Variants in WASHC4 observed in about 807,000 individuals in gnomAD.
WASHC4 encodes WASH complex subunit 7.
WASHC4 carries 86 observed loss-of-function variants against 166.6 expected under a neutral mutation model. The ratio of observed to expected loss-of-function variants is 0.52; its 90% CI spans 0.43 to 0.62. The LOEUF is 0.62. WASHC4 is among the 20% of genes least tolerant of loss of function. The probability of loss-of-function intolerance (pLI) is 0.00; values close to 1 mark genes in which losing one functional copy is unlikely to be tolerated. For missense variants in WASHC4, 1,262 were observed against 1,382.4 expected, an observed-to-expected ratio of 0.91 and a Z score of 1.38; for synonymous variants, 446 against 451.6, an observed-to-expected ratio of 0.99 and a Z score of 0.16.
At chr12:105,166,376 T>C (rs940047009) in intron 32 of WASHC4, among the ~76,000 whole-genome samples, 2 of 152,080 alleles carry the variant, frequency 1.3e-5, no homozygotes, top group African/African-American at 4.8e-5. Flanking sequence ...AGAAATAATA[T>C]ATATTACGTA....
chr12:105,135,210 A>T (rs1002699248), intron 14 of WASHC4, among the ~76,000 whole-genome samples: 2 of 151,736 alleles, frequency 1.3e-5, no homozygotes, highest in African/African-American at 4.8e-5. Context: ...GTTTATTTAG[A>T]TTTACTCATA....
At chr12:105,159,298 T>C (rs1244491742) in intron 28 of WASHC4, among the ~76,000 whole-genome samples, 1 of 152,158 alleles carries the variant, frequency 6.6e-6, no homozygotes, top group Admixed American at 6.5e-5. Flanking sequence ...AAGATCCAGA[T>C]TGGTGCAAGG....
At chr12:105,130,717 AC>A (rs1194404389) in intron 13 of WASHC4, among the ~76,000 whole-genome samples, 30 of 151,362 alleles carry the variant, frequency 2.0e-4, no homozygotes, top group Admixed American at 3.3e-4. Flanking sequence ...CTGCCCCCAT[AC>A]TATACACCAG....
intron 8 of WASHC4, 110 bp from the exon 9 acceptor site, chr12:105,120,991 C>G: frequency 1.4e-6 from 1 of 740,450 alleles, no homozygotes; most frequent in Non-Finnish European, 2.4e-6. Context: ...GATTTACCCA[C>G]TACTTTTACT....
chr12:105,164,696 A>T lies in WASHC4; in HGVS notation c.3410A>T (p.Asp1137Val). The stretch of plus-strand genomic sequence containing the variant: ...AGTGCAAGAATTTTCTTCAGAGCAG[A>T]CAAGACTGCGGCTGAAGAAAACCAA... ...LSSARIFFRA[D>V]KTAAEENQEK... The change falls in exon 32 of 33, where the codon GAC becomes GTC. Residue 1137 changes from aspartate (D) to valine (V), a missense_variant. By Grantham distance (152) the Asp-to-Val change is radical. Transcript: ENST00000332180. 1.2e-6 allele frequency: 2 copies of T among 1,613,658 alleles called. No homozygotes were observed. The highest frequency in any genetic ancestry group is 8.5e-7 in the Non-Finnish European group (1 of 1,179,734).
chr12:105,133,470 T>C (rs1292663553), intron 13 of WASHC4, among the ~76,000 whole-genome samples: 2 of 152,184 alleles, frequency 1.3e-5, no homozygotes, highest in Admixed American at 1.3e-4. Flanking sequence ...ATTTAAAATT[T>C]TACTTACTGA....
intron 6 of WASHC4, among the ~76,000 whole-genome samples, chr12:105,117,576 T>C (rs1424699324): frequency 6.6e-6 from 1 of 152,196 alleles, no homozygotes; most frequent in Non-Finnish European, 1.5e-5. Flanking sequence ...TTTATTTTCA[T>C]TTTAAAAAAT....
intron 26 of WASHC4, among the ~76,000 whole-genome samples, chr12:105,155,966 G>A: frequency 6.6e-6 from 1 of 152,308 alleles, no homozygotes; most frequent in Non-Finnish European, 1.5e-5. Flanking sequence ...GAAATCAGGA[G>A]GCCATTGCAT....
chr12:105,145,245 T>C (rs895914572), intron 22 of WASHC4, among the ~76,000 whole-genome samples: 1 of 151,984 alleles, frequency 6.6e-6, no homozygotes, highest in Non-Finnish European at 1.5e-5. Context: ...ATTTAGTATC[T>C]TAGGAAAAAT....
chr12:105,111,952 G>A (rs960622876), intron 2 of WASHC4, among the ~76,000 whole-genome samples: 2 of 152,014 alleles, frequency 1.3e-5, no homozygotes, highest in Non-Finnish European at 2.9e-5. Context: ...GTTGTTTTTA[G>A]CATATTCACT....
Position 105,126,176 on chromosome 12 carries a change from C to T in WASHC4, c.910+49C>T, listed in dbSNP as rs773748893. The T allele has an allele frequency of 4.0e-5, 65 of 1,612,208 alleles. 2 individuals carry two copies. The highest frequency in any genetic ancestry group is 5.3e-5 in the Non-Finnish European group (63 of 1,178,944). ...TTTTTGTTTATAAAATTTGCATTTC[C>T]TTAAAAGCATAATTGAAGTATATTT... On this transcript the variant is annotated intron_variant, in intron 11 of 32. Coordinates refer to ENST00000332180, the MANE Select transcript of WASHC4 (RefSeq NM_015275.3).
chr12:105,157,116 C>T, intron 27 of WASHC4, 120 bp from the exon 28 acceptor site: 1 of 660,684 alleles, frequency 1.5e-6, no homozygotes, highest in Non-Finnish European at 2.7e-6. Context: ...TACTGAAATG[C>T]ACAGTTGTTT....
chr12:105,151,622 A>G (rs1883783854), intron 25 of WASHC4, among the ~76,000 whole-genome samples: 1 of 151,850 alleles, frequency 6.6e-6, no homozygotes, highest in South Asian at 2.1e-4. Flanking sequence ...GCTGGGATTA[A>G]AGGTGCACAC....
chr12:105,160,026 C>G lies in WASHC4; in HGVS notation c.2938C>G (p.His980Asp), dbSNP rs200418780. 5 of 1,614,008 alleles carry G rather than the reference C, an allele frequency of 3.1e-6. No individual in the cohort carries two copies. In the East Asian group the frequency reaches 8.9e-5, roughly 29 times the overall value. ...ARHLDSVLSD[H>D]TRNSAEGTEY... The stretch of plus-strand genomic sequence containing the variant: ...GCATTTGGATTCAGTCCTCAGTGAT[C>G]ACACACGAAATTCTGCCGAAGGCAC... Residue 980 changes from histidine (H) to aspartate (D), a missense_variant, in exon 29 of 33, where the codon CAC (histidine) becomes GAC (aspartate). Physicochemically the swap from His to Asp is moderately conservative, Grantham distance 81. Transcript: ENST00000332180.
intron 15 of WASHC4, among the ~76,000 whole-genome samples, chr12:105,139,948 A>G (rs558859513): frequency 5.7e-4 from 85 of 149,962 alleles, no homozygotes; most frequent in African/African-American, 2.0e-3. Context: ...CAGTGGCGCC[A>G]TCTCGGCTCA....
rs556525325 is a variant in WASHC4, at chr12:105,130,270, A to T, written c.1199+2981A>T. Among the ~76,000 whole-genome samples the T allele has an allele frequency of 1.7e-3, 258 of 152,350 alleles. 3 individuals are homozygous for T. Among genetic ancestry groups the T allele is most frequent in the African/African-American group, 6.1e-3 (255 of 41,584 alleles). On this transcript the variant is annotated intron_variant, in intron 13 of 32. Coordinates refer to ENST00000332180, the MANE Select transcript of WASHC4 (RefSeq NM_015275.3). Reference sequence around the variant, plus strand: ...CAGAGAGGGCATTCAAACCAGTGCCAATCCTATTCTGGTGCCTCTGCAGCA... The same window carrying T: ...CAGAGAGGGCATTCAAACCAGTGCCTATCCTATTCTGGTGCCTCTGCAGCA...
intron 26 of WASHC4, among the ~76,000 whole-genome samples, chr12:105,154,007 T>C: frequency 6.6e-6 from 1 of 152,018 alleles, no homozygotes; most frequent in East Asian, 1.9e-4. Context: ...TTTTACTCTT[T>C]ATTCTCTTCT....
At chr12:105,115,337 A>G in intron 5 of WASHC4, 108 bp downstream of exon 5, 1 of 794,826 alleles carries the variant, frequency 1.3e-6, no homozygotes, top group Admixed American at 2.1e-5. Context: ...GAGAAAAATA[A>G]GTATTCATAT....
chr12:105,143,327 C>CA, intron 20 of WASHC4, 84 bp downstream of exon 20: 1 of 770,132 alleles, frequency 1.3e-6, no homozygotes, highest in Non-Finnish European at 2.3e-6. Context: ...GAAGCAGACT[C>CA]ACTGAGTTAA....
Sources: gnomAD v4.1 joint callset for allele counts (sites outside exome capture counted in the v4.1 genomes callset) on GRCh38, gnomAD v4.1.1 for gene constraint, MANE v1.5 for transcripts, NCBI Gene and HGNC (gene_info 2026-07-23, HGNC 2026-07-21) for gene names.